The following MAML3 variants were observed in gnomAD, a reference collection of about 807,000 sequenced individuals.
MAML3 encodes mastermind like transcriptional coactivator 3.
A neutral mutation model predicts 101.9 loss-of-function variants in MAML3; 27 were observed. That is an observed-to-expected ratio of 0.27 (90% confidence interval 0.20 to 0.37). The LOEUF is 0.37. MAML3 is among the 10% of genes least tolerant of loss of function. The pLI is 1.00. For missense variants in MAML3, 1,316 were observed against 1,444.9 expected, an observed-to-expected ratio of 0.91 and a Z score of 1.45; for synonymous variants, 501 against 555.9, an observed-to-expected ratio of 0.90 and a Z score of 1.39.
Position 140,113,272 on chromosome 4 carries a change from C to T in MAML3, c.468+39588G>A, listed in dbSNP as rs1282368183. ...CCAGCCTGGGTGACAGAGCAAGACTCGGTCTCAAAAAAATAAATAAATAAA... is the reference window on the plus strand; with the variant it reads ...CCAGCCTGGGTGACAGAGCAAGACTTGGTCTCAAAAAAATAAATAAATAAA... On this transcript the variant is annotated intron_variant, in intron 1 of 4. Coordinates refer to ENST00000509479, the MANE Select transcript of MAML3 (RefSeq NM_018717.5). Among the ~76,000 whole-genome samples the T allele has an allele frequency of 4.6e-5, 7 of 151,624 alleles. No homozygotes were observed. The South Asian group carries it at 8.4e-4, about 18-fold the overall frequency.
chr4:139,720,630 G>C (rs11723251), intron 4 of MAML3, among the ~76,000 whole-genome samples: 1 of 152,108 alleles, frequency 6.6e-6, no homozygotes, highest in Non-Finnish European at 1.5e-5. Context: ...GGATCGTACT[G>C]TGCATGTGTT....
At chr4:139,989,896 GAGAGAA>G (rs1734632350) in intron 1 of MAML3, among the ~76,000 whole-genome samples, 1 of 149,452 alleles carries the variant, frequency 6.7e-6, no homozygotes, top group Admixed American at 6.6e-5. Context: ...GAGAGAGAGA[GAGAGAA>G]AGAGAGAGAG....
At position 139,735,416 on chromosome 4, in the gene MAML3, C is replaced by T. The variant is rs1273265402; in HGVS notation, c.2080-4749G>A. ...AGTGGGGGAGGGCGCGGGAAGGGGA[C>T]GTGGAGGGAAACGGAAGGGCTGGGA... On this transcript the variant is annotated intron_variant, in intron 2 of 4. Coordinates refer to ENST00000509479, the MANE Select transcript of MAML3 (RefSeq NM_018717.5). This position sits in a 1 kb window ranked among gnomAD's most constrained non-coding sequence, Gnocchi z 5.8. Among the ~76,000 whole-genome samples the T allele has an allele frequency of 4.9e-5, 6 of 122,082 alleles. No individual in the cohort carries two copies. In the Admixed American group the frequency reaches 5.1e-4, roughly 10 times the overall value. 80.1% of individuals were successfully genotyped at this position (122,082 alleles called of 152,430 possible). A position where few individuals can be genotyped will look rare whatever the true frequency, so the allele number is the denominator to read the frequency against.
chr4:139,981,978 T>C (rs780512227), intron 1 of MAML3, among the ~76,000 whole-genome samples: 1 of 152,222 alleles, frequency 6.6e-6, no homozygotes, highest in Non-Finnish European at 1.5e-5. Context: ...ATTTTCCTCA[T>C]TGTAAAGTGA....
chr4:140,110,305 C>T (rs1168520515), intron 1 of MAML3, among the ~76,000 whole-genome samples: 2 of 152,242 alleles, frequency 1.3e-5, no homozygotes, highest in African/African-American at 4.8e-5. Flanking sequence ...GCAGGCACAG[C>T]GACACTGCAC....
chr4:139,858,733 A>G (rs909676686), intron 2 of MAML3, among the ~76,000 whole-genome samples: 1 of 152,044 alleles, frequency 6.6e-6, no homozygotes, highest in Admixed American at 6.6e-5. Context: ...CCGCTCTGTG[A>G]TCACCCGGGC....
chr4:139,920,063 C>T lies in MAML3; in HGVS notation c.469-29096G>A, dbSNP rs72712529. 1.3e-3 allele frequency among the ~76,000 whole-genome samples: 200 copies of T among 152,244 alleles called. 1 individual carries two copies. The highest frequency in any genetic ancestry group is 2.3e-3 in the Non-Finnish European group (157 of 68,012). On this transcript the variant is annotated intron_variant, in intron 1 of 4. Coordinates refer to ENST00000509479, the MANE Select transcript of MAML3 (RefSeq NM_018717.5). ...TTTCTAACCTAAATAAACTTGGTTG[C>T]GATTATCAAATACATTTTATTTTTA...
intron 1 of MAML3, among the ~76,000 whole-genome samples, chr4:140,128,301 T>TA (rs1319679322): frequency 5.3e-5 from 8 of 152,246 alleles, no homozygotes; most frequent in African/African-American, 1.7e-4. Flanking sequence ...AGAGTTTAGA[T>TA]ACAGTCACAG....
chr4:139,954,172 T>C (rs1409786695), intron 1 of MAML3, among the ~76,000 whole-genome samples: 1 of 152,186 alleles, frequency 6.6e-6, no homozygotes, highest in Admixed American at 6.5e-5. Context: ...TTTATATCCT[T>C]AGAATACAGA....
At chr4:140,140,305 CAG>C (rs755038560) in intron 1 of MAML3, among the ~76,000 whole-genome samples, 16 of 151,966 alleles carry the variant, frequency 1.1e-4, no homozygotes, top group Non-Finnish European at 1.9e-4. Context: ...GCCTGGGTGA[CAG>C]GGTGAGATTC....
chr4:139,785,618 G>A lies in MAML3; in HGVS notation c.2080-54951C>T, dbSNP rs914186447. ...AGCACGAACAATATGGCTCCCCAGC[G>A]CCTGGGGCACTGCATGGAGAGATCT... is the stretch of plus-strand genomic sequence containing the variant. On this transcript the variant is annotated intron_variant, in intron 2 of 4. Coordinates refer to ENST00000509479, the MANE Select transcript of MAML3 (RefSeq NM_018717.5). The surrounding 1 kb of genome is among the most constrained non-coding windows in gnomAD (Gnocchi z 4.3). 1.3e-5 allele frequency among the ~76,000 whole-genome samples: 2 copies of A among 152,142 alleles called. No individual in the cohort carries two copies. Among genetic ancestry groups the A allele is most frequent in the African/African-American group, 2.4e-5 (1 of 41,436 alleles).
chr4:140,102,552 CAGTTATACTGGATT>C (rs1320859251), intron 1 of MAML3, among the ~76,000 whole-genome samples: 1 of 152,126 alleles, frequency 6.6e-6, no homozygotes, highest in East Asian at 1.9e-4. Context: ...AAAATGACAC[CAGTTATACTGGATT>C]AGGGCCCCAC....
chr4:139,990,330 G>T, intron 1 of MAML3, among the ~76,000 whole-genome samples: 1 of 152,022 alleles, frequency 6.6e-6, no homozygotes. Context: ...TGCAGAAAAG[G>T]CCTTTGACAA....
intron 2 of MAML3, among the ~76,000 whole-genome samples, chr4:139,860,291 A>C (rs1053806575): frequency 1.3e-5 from 2 of 152,196 alleles, no homozygotes; most frequent in South Asian, 4.1e-4. Flanking sequence ...TCTTCTGCAG[A>C]TAGTCCCCTG....
In MAML3 at chr4:139,719,367, C is replaced by T. The variant is rs769878138; in HGVS notation, c.3373G>A (p.Asp1125Asn). The change falls in exon 5 of 5, where the codon GAC (aspartate) becomes AAC (asparagine). Residue 1125 changes from aspartate to asparagine, a missense_variant. Transcript: ENST00000509479. Reference protein sequence around the residue: ...VDSIIKGGPGDEWMQELDELF... With the variant: ...VDSIIKGGPGNEWMQELDELF... ...TCATCAAGCTCCTGCATCCACTCGT[C>T]CCCTGGCCCGCCTTTGATGATGGAG... 1 of 1,610,170 alleles carries T rather than the reference C, an allele frequency of 6.2e-7. No individual in the cohort carries two copies. Among genetic ancestry groups the T allele is most frequent in the Non-Finnish European group, 8.5e-7 (1 of 1,177,436 alleles).
At position 140,150,050 on chromosome 4, in the gene MAML3, G is replaced by C. The variant is rs113584072; in HGVS notation, c.468+2810C>G. Among the ~76,000 whole-genome samples the C allele has an allele frequency of 6.9e-4, 104 of 149,658 alleles. 1 individual carries two copies. Among genetic ancestry groups the C allele is most frequent in the African/African-American group, 2.5e-3 (101 of 40,786 alleles). On this transcript the variant is annotated intron_variant, in intron 1 of 4. Transcript: ENST00000509479. ...ACACATACCAGTGAGAGATGCATGTGAAACAGCTGAAGCTAAAATACACTC... is the reference window on the plus strand; with the variant it reads ...ACACATACCAGTGAGAGATGCATGTCAAACAGCTGAAGCTAAAATACACTC...
intron 2 of MAML3, among the ~76,000 whole-genome samples, chr4:139,787,680 A>C (rs1560794234): frequency 1.3e-5 from 2 of 152,226 alleles, no homozygotes. Context: ...GCTGCTGCAC[A>C]CCAGACAGAT....
chr4:140,016,896 A>G (rs1390825037), intron 1 of MAML3, among the ~76,000 whole-genome samples: 1 of 152,256 alleles, frequency 6.6e-6, no homozygotes. Context: ...TGGGAGCTAG[A>G]GCTAGGAAAG....
intron 1 of MAML3, among the ~76,000 whole-genome samples, chr4:140,071,785 G>A (rs1057237221): frequency 2.6e-5 from 4 of 151,140 alleles, no homozygotes; most frequent in African/African-American, 9.7e-5. Flanking sequence ...GAGAGAGAGA[G>A]AGAAGGCACG....
Sources: gnomAD v4.1 joint callset for allele counts (sites outside exome capture counted in the v4.1 genomes callset) on GRCh38, gnomAD v4.1.1 for gene constraint, Gnocchi (gnomAD v3.1) non-coding constraint, MANE v1.5 for transcripts, NCBI Gene and HGNC (gene_info 2026-07-23, HGNC 2026-07-21) for gene names.